The following MACROD2 variants were observed in gnomAD, a reference collection of about 807,000 sequenced individuals.
MACROD2 encodes the protein mono-ADP ribosylhydrolase 2.
A neutral mutation model predicts 70.4 loss-of-function variants in MACROD2; 36 were observed. That is an observed-to-expected ratio of 0.51 (90% confidence interval 0.39 to 0.68). The LOEUF (loss-of-function observed/expected upper bound fraction) is 0.68, where lower values mean the gene tolerates loss of function less well. Ranked by LOEUF, MACROD2 falls within the 30% of genes least tolerant of loss-of-function variation. The probability of loss-of-function intolerance (pLI) is 0.00; values close to 1 mark genes in which losing one functional copy is unlikely to be tolerated. For synonymous variants in MACROD2, 172 were observed against 178.8 expected (o/e 0.96, Z 0.30); for missense variants, 496 against 538.4 (o/e 0.92, Z 0.78).
At chr20:14,131,888 T>C (rs147595697) in intron 3 of MACROD2, among the ~76,000 whole-genome samples, 3 of 151,888 alleles carry the variant, frequency 2.0e-5, no homozygotes, top group Non-Finnish European at 4.4e-5. Flanking sequence ...TCCCAGCACT[T>C]TGGGAGGCCG....
chr20:14,165,011 A>T (rs2055246999), intron 3 of MACROD2, among the ~76,000 whole-genome samples: 1 of 152,092 alleles, frequency 6.6e-6, no homozygotes, highest in African/African-American at 2.4e-5. Context: ...TGGCTCCTGC[A>T]TTGGCCCTGG....
At chr20:14,621,789 C>G (rs983256926) in intron 4 of MACROD2, 6 of 152,108 alleles carry the variant, frequency 3.9e-5, no homozygotes, top group Admixed American at 3.3e-4. Flanking sequence ...AAGTGTGTTT[C>G]TAGGTACATA....
intron 5 of MACROD2, among the ~76,000 whole-genome samples, chr20:15,111,715 C>G (rs1200292324): frequency 6.6e-6 from 1 of 152,224 alleles, no homozygotes; most frequent in African/African-American, 2.4e-5. Flanking sequence ...ACAAGTATCA[C>G]TGTTTTCACT....
At chr20:15,910,387 A>G (rs561873355) in intron 10 of MACROD2, among the ~76,000 whole-genome samples, 2 of 131,144 alleles carry the variant, frequency 1.5e-5, no homozygotes, top group East Asian at 4.4e-4. Context: ...TGGCCAAGTC[A>G]GAGGACATGT....
chr20:14,840,276 G>A (rs2073073902), intron 5 of MACROD2, among the ~76,000 whole-genome samples: 1 of 152,004 alleles, frequency 6.6e-6, no homozygotes, highest in Non-Finnish European at 1.5e-5. Flanking sequence ...GGCCTCTAGT[G>A]ATCTGTCCAT....
At chr20:15,477,369 A>G (rs964228523) in intron 7 of MACROD2, among the ~76,000 whole-genome samples, 4 of 151,990 alleles carry the variant, frequency 2.6e-5, no homozygotes, top group Non-Finnish European at 5.9e-5. Flanking sequence ...GTGAACCTCC[A>G]TGCCCAGCCT....
intron 8 of MACROD2, among the ~76,000 whole-genome samples, chr20:15,534,227 A>G (rs752672388): frequency 6.6e-6 from 1 of 152,212 alleles, no homozygotes; most frequent in Non-Finnish European, 1.5e-5. Context: ...TGTGTTTGCT[A>G]CATGTAGACA....
intron 3 of MACROD2, among the ~76,000 whole-genome samples, chr20:14,279,297 G>A (rs1295091277): frequency 3.9e-5 from 6 of 152,092 alleles, no homozygotes; most frequent in African/African-American, 1.2e-4. Flanking sequence ...ACAAAAACAA[G>A]TGTGATATTT....
chr20:15,314,705 AG>A (rs1351893336), intron 6 of MACROD2, among the ~76,000 whole-genome samples: 1 of 152,220 alleles, frequency 6.6e-6, no homozygotes, highest in African/African-American at 2.4e-5. Flanking sequence ...AAAATATTAT[AG>A]GGTCAATGAA....
At chr20:15,670,589 G>A (rs192597716) in intron 8 of MACROD2, among the ~76,000 whole-genome samples, 2 of 152,244 alleles carry the variant, frequency 1.3e-5, no homozygotes, top group South Asian at 2.1e-4. Flanking sequence ...ATACATCTGA[G>A]ACATTTTTTA....
At chr20:14,584,213 A>T (rs1041155631) in intron 4 of MACROD2, among the ~76,000 whole-genome samples, 4 of 152,222 alleles carry the variant, frequency 2.6e-5, no homozygotes, top group African/African-American at 9.6e-5. Context: ...TTTAGAAATT[A>T]GCTCTTCTAT....
chr20:15,500,362 A>G (rs2145017), intron 8 of MACROD2, among the ~76,000 whole-genome samples: 130,052 of 152,156 alleles, frequency 0.85, 55,983 homozygotes, highest in East Asian at 0.98. Flanking sequence ...GAAACTAAAT[A>G]CCTTCATCAG....
At chr20:15,627,301 G>A (rs1276568421) in intron 8 of MACROD2, among the ~76,000 whole-genome samples, 3 of 150,992 alleles carry the variant, frequency 2.0e-5, no homozygotes, top group Non-Finnish European at 2.9e-5. Flanking sequence ...AGTTTTGTTT[G>A]TTTTGTTTTA....
chr20:14,903,618 A>G (rs1425679272), intron 5 of MACROD2, among the ~76,000 whole-genome samples: 1 of 152,110 alleles, frequency 6.6e-6, no homozygotes, highest in Non-Finnish European at 1.5e-5. Context: ...TGAACCTGGG[A>G]GCACTTAGAA....
chr20:14,485,534 T>C (rs965384600), intron 3 of MACROD2, among the ~76,000 whole-genome samples: 1 of 151,928 alleles, frequency 6.6e-6, no homozygotes, highest in Non-Finnish European at 1.5e-5. Flanking sequence ...ACCCCGTCTC[T>C]ACTAAAAATA....
chr20:15,171,435 T>A (rs572445441), intron 5 of MACROD2, among the ~76,000 whole-genome samples: 3 of 151,396 alleles, frequency 2.0e-5, no homozygotes, highest in Admixed American at 6.6e-5. Context: ...CCTTCACCAT[T>A]GCTCTCCTAC....
chr20:15,751,052 A>G (rs1360413808), intron 8 of MACROD2, among the ~76,000 whole-genome samples: 2 of 152,014 alleles, frequency 1.3e-5, no homozygotes. Flanking sequence ...TGCAATTAAA[A>G]TAGATGAATA....
At chr20:15,242,658 G>C (rs187898996) in intron 6 of MACROD2, among the ~76,000 whole-genome samples, 263 of 152,188 alleles carry the variant, frequency 1.7e-3, no homozygotes, top group South Asian at 0.017. Flanking sequence ...CATTTATTTA[G>C]TTCATATTTG....
At chr20:14,577,789 A>G (rs375218205) in intron 4 of MACROD2, among the ~76,000 whole-genome samples, 1 of 17,068 alleles carries the variant, frequency 5.9e-5, no homozygotes, top group Non-Finnish European at 2.9e-4. Context: ...CTTAAAAAGA[A>G]AAGGAAAGAG....
Sources: gnomAD v4.1 joint callset for allele counts (sites outside exome capture counted in the v4.1 genomes callset) on GRCh38, gnomAD v4.1.1 for gene constraint, MANE v1.5 for transcripts, NCBI Gene and HGNC (gene_info 2026-07-23, HGNC 2026-07-21) for gene names.